Variants in HS6ST2 observed in about 807,000 individuals in gnomAD.
HS6ST2 encodes heparan-sulfate 6-O-sulfotransferase 2.
HS6ST2 carries 17 observed loss-of-function variants against 33.0 expected under a neutral mutation model. That is an observed-to-expected ratio of 0.52 (90% CI 0.35 to 0.77). The LOEUF (loss-of-function observed/expected upper bound fraction) is 0.77. Among genes scored for constraint, HS6ST2 ranks in the 30% least tolerant of loss-of-function variants. HS6ST2 has a pLI of 0.01. For missense variants in HS6ST2, 519 were observed against 551.7 expected, an observed-to-expected ratio of 0.94 and a Z score of 0.59; for synonymous variants, 248 against 237.1, an observed-to-expected ratio of 1.05 and a Z score of -0.42.
chrX:132,938,436 T>C (rs1228674438), intron 2 of HS6ST2, among the ~76,000 whole-genome samples: 1 of 108,738 alleles, frequency 9.2e-6, no homozygotes, highest in East Asian at 2.9e-4. Flanking sequence ...AGCCCAGGAG[T>C]CCAAGACCAG....
chrX:132,940,557 G>A (rs752899130), intron 2 of HS6ST2, among the ~76,000 whole-genome samples: 1 of 111,212 alleles, frequency 9.0e-6, no homozygotes, highest in South Asian at 3.8e-4. Context: ...CCTAGAATAT[G>A]TTTAAAAAAA....
At chrX:132,814,197 G>T (rs1194951781) in intron 2 of HS6ST2, among the ~76,000 whole-genome samples, 1 of 112,058 alleles carries the variant, frequency 8.9e-6, no homozygotes, top group Non-Finnish European at 1.9e-5. Context: ...ACCCGCCTCG[G>T]CCTCCCAAAG....
At chrX:132,662,881 T>G (rs962469026) in intron 4 of HS6ST2, among the ~76,000 whole-genome samples, 1 of 112,136 alleles carries the variant, frequency 8.9e-6, no homozygotes, top group Non-Finnish European at 1.9e-5. Context: ...TTTCAGTAAC[T>G]GGCAAAAGCA....
chrX:132,661,407 A>T (rs1386775096), intron 4 of HS6ST2, among the ~76,000 whole-genome samples: 1 of 111,591 alleles, frequency 9.0e-6, no homozygotes, highest in Non-Finnish European at 1.9e-5. Context: ...ATCTATTAGA[A>T]ATAATCAGAA....
intron 2 of HS6ST2, among the ~76,000 whole-genome samples, chrX:132,829,646 C>T (rs1292482764): frequency 2.7e-5 from 3 of 111,668 alleles, no homozygotes; most frequent in Admixed American, 9.6e-5. Context: ...TTTGCCACTA[C>T]ATATCAAGGG....
intron 2 of HS6ST2, among the ~76,000 whole-genome samples, chrX:132,839,272 GTATATATATATATATATA>G (rs748319681): frequency 4.8e-4 from 30 of 62,788 alleles, no homozygotes; most frequent in South Asian, 2.5e-3. Flanking sequence ...TGTAGTGTGT[GTATATATATATATATATA>G]TATATATATA....
intron 2 of HS6ST2, among the ~76,000 whole-genome samples, chrX:132,825,895 A>T (rs2065513661): frequency 8.9e-6 from 1 of 111,894 alleles, no homozygotes; most frequent in South Asian, 3.8e-4. Context: ...GCTTCTGTAG[A>T]TGTGTTCAAG....
intron 2 of HS6ST2, among the ~76,000 whole-genome samples, chrX:132,784,235 G>A (rs944252693): frequency 8.9e-6 from 1 of 111,743 alleles, no homozygotes; most frequent in African/African-American, 3.3e-5. Flanking sequence ...CAAACGCCCC[G>A]ATTCTTACTT....
intron 2 of HS6ST2, among the ~76,000 whole-genome samples, chrX:132,897,264 G>A (rs1318285721): frequency 9.1e-6 from 1 of 109,788 alleles, no homozygotes; most frequent in Non-Finnish European, 1.9e-5. Flanking sequence ...AGGTGCTGGG[G>A]GCGGGGGGAG....
chrX:132,649,185 T>C (rs2063669937), intron 4 of HS6ST2, among the ~76,000 whole-genome samples: 1 of 112,018 alleles, frequency 8.9e-6, no homozygotes, highest in Non-Finnish European at 1.9e-5. Context: ...GAGTGGACTC[T>C]GGAAAATGAA....
chrX:132,925,409 A>C (rs987023799), intron 2 of HS6ST2, among the ~76,000 whole-genome samples: 1 of 112,303 alleles, frequency 8.9e-6, no homozygotes, highest in African/African-American at 3.2e-5. Flanking sequence ...CTTGATTTAC[A>C]GCCAGAAGTA....
intron 2 of HS6ST2, among the ~76,000 whole-genome samples, chrX:132,849,564 A>C (rs1423967519): frequency 2.7e-5 from 3 of 112,212 alleles, no homozygotes; most frequent in Non-Finnish European, 5.6e-5. Flanking sequence ...CAAGTACTCA[A>C]TAGTAAATAT....
chrX:132,686,807 T>C (rs1339004573), intron 3 of HS6ST2, among the ~76,000 whole-genome samples: 1 of 112,238 alleles, frequency 8.9e-6, no homozygotes, highest in Admixed American at 9.5e-5. Context: ...ATACTCATTA[T>C]GGCAGTATAG....
intron 1 of HS6ST2, among the ~76,000 whole-genome samples, 171 bp from the exon 2 acceptor site, chrX:132,957,497 C>G (rs1302338427): frequency 9.1e-6 from 1 of 110,060 alleles, no homozygotes; most frequent in Non-Finnish European, 1.9e-5. Flanking sequence ...TCCCCGCTTC[C>G]TTCCTTCCCG....
rs773077142 is a variant in HS6ST2 at position 132,631,112 on chromosome X, G to A, written c.1068-2019C>T. Among the ~76,000 whole-genome samples the A allele has an allele frequency of 4.5e-5, 5 of 111,797 alleles. No individual in the cohort carries two copies. The East Asian group carries it at 8.4e-4, about 19-fold the overall frequency. On this transcript the variant is annotated intron_variant, in intron 4 of 4. Transcript: ENST00000370833. ...CATTGGCCTTCATCCCTGGCATAAAGCAGAATCTCAGTAACTTCTTTAACT... is the reference window on the plus strand; with the variant it reads ...CATTGGCCTTCATCCCTGGCATAAAACAGAATCTCAGTAACTTCTTTAACT...
chrX:132,847,962 C>T (rs1017297466), intron 2 of HS6ST2, among the ~76,000 whole-genome samples: 1 of 112,265 alleles, frequency 8.9e-6, no homozygotes, highest in Admixed American at 9.4e-5. Flanking sequence ...GTTCTAATGC[C>T]GTGTCTTTGA....
intron 2 of HS6ST2, among the ~76,000 whole-genome samples, chrX:132,880,821 C>T (rs886380016): frequency 2.0e-5 from 2 of 99,629 alleles, no homozygotes; most frequent in Admixed American, 2.5e-4. Flanking sequence ...TGTTCCTCTT[C>T]CTGTGTCCAA....
At chrX:132,656,520 A>C (rs1414896654) in intron 4 of HS6ST2, among the ~76,000 whole-genome samples, 1 of 111,516 alleles carries the variant, frequency 9.0e-6, no homozygotes, top group Non-Finnish European at 1.9e-5. Context: ...TGAATTACAC[A>C]GTGGTGAATT....
At chrX:132,925,194 A>G (rs2066697888) in intron 2 of HS6ST2, among the ~76,000 whole-genome samples, 1 of 112,187 alleles carries the variant, frequency 8.9e-6, no homozygotes, top group South Asian at 3.8e-4. Context: ...GAATGCTTCC[A>G]TATTGGTGAA....
Sources: allele counts gnomAD v4.1 joint callset (sites outside exome capture counted in the v4.1 genomes callset), GRCh38; gene constraint gnomAD v4.1.1; transcripts MANE v1.5; gene names NCBI Gene and HGNC (gene_info 2026-07-23, HGNC 2026-07-21).